The following FAM184B variants were observed in gnomAD, a reference collection of about 807,000 sequenced individuals.
FAM184B encodes family with sequence similarity 184 member B, also known as protein FAM184B.
A neutral mutation model predicts 135.9 loss-of-function variants in FAM184B; 111 were observed. That is an observed-to-expected ratio of 0.82 (90% CI 0.70 to 0.96). The LOEUF (loss-of-function observed/expected upper bound fraction) is 0.96. Ranked by LOEUF, FAM184B falls within the 40% of genes least tolerant of loss-of-function variation. The probability of loss-of-function intolerance (pLI) is 0.00; values close to 1 mark genes in which losing one functional copy is unlikely to be tolerated. For missense variants in FAM184B, 1,375 were observed against 1,323.9 expected, an observed-to-expected ratio of 1.04 and a Z score of -0.60; for synonymous variants, 552 against 524.8, an observed-to-expected ratio of 1.05 and a Z score of -0.71.
chr4:17,688,166 C>T (rs1716633893), intron 7 of FAM184B, among the ~76,000 whole-genome samples: 1 of 152,110 alleles, frequency 6.6e-6, no homozygotes, highest in South Asian at 2.1e-4. Flanking sequence ...GCAGGCTGCT[C>T]TCAGAGAGAG....
rs1348148005 is a variant in FAM184B, at chr4:17,636,754, G to C, written c.2667-109C>G. 1.1e-5 allele frequency: 11 copies of C among 960,012 alleles called. No homozygotes were observed. The African/African-American group carries it at 1.8e-4, about 16-fold the overall frequency. 59.5% of individuals were successfully genotyped at this position (960,012 alleles called of 1,614,324 possible). A position where few individuals can be genotyped will look rare whatever the true frequency, so the allele number is the denominator to read the frequency against. Reference sequence around the variant, plus strand: ...CCATCCTGTGTTCAGCCCGGCCAGGGAGGCCCAGATAGCAGCAGCGGCTTG... The same window carrying C: ...CCATCCTGTGTTCAGCCCGGCCAGGCAGGCCCAGATAGCAGCAGCGGCTTG... On this transcript the variant is annotated intron_variant, in intron 14 of 17. Coordinates refer to ENST00000265018, the MANE Select transcript of FAM184B (RefSeq NM_015688.2).
At chr4:17,682,698 C>T (rs1716478664) in intron 7 of FAM184B, among the ~76,000 whole-genome samples, 1 of 152,008 alleles carries the variant, frequency 6.6e-6, no homozygotes, top group Non-Finnish European at 1.5e-5. Context: ...GAGGTTTTGC[C>T]ATGTTGCTCA....
At chr4:17,749,916 G>A (rs796066633) in intron 1 of FAM184B, among the ~76,000 whole-genome samples, 9 of 150,560 alleles carry the variant, frequency 6.0e-5, no homozygotes, top group African/African-American at 2.2e-4. Flanking sequence ...TAATGTAAGT[G>A]TCTTTTTCCT....
At chr4:17,658,135 C>G (rs563340595) in intron 10 of FAM184B, among the ~76,000 whole-genome samples, 1 of 152,218 alleles carries the variant, frequency 6.6e-6, no homozygotes, top group South Asian at 2.1e-4. Flanking sequence ...AGACCTAGCC[C>G]GCTTCCTTTG....
At chr4:17,689,094 G>A (rs1482380186) in intron 6 of FAM184B, among the ~76,000 whole-genome samples, 1 of 152,074 alleles carries the variant, frequency 6.6e-6, no homozygotes, top group Non-Finnish European at 1.5e-5. Flanking sequence ...TATTTACATA[G>A]ATATTTCTAT....
At chr4:17,705,648 C>T in intron 4 of FAM184B, 104 bp downstream of exon 4, 1 of 1,358,698 alleles carries the variant, frequency 7.4e-7, no homozygotes, top group African/African-American at 1.5e-5. Context: ...CTTCTGATTC[C>T]AAGTGGATCC....
chr4:17,696,066 CATG>C (rs1206108558), intron 5 of FAM184B, among the ~76,000 whole-genome samples: 1 of 152,174 alleles, frequency 6.6e-6, no homozygotes, highest in African/African-American at 2.4e-5. Context: ...ATCTAATGGA[CATG>C]ATAACAGTAG....
At chr4:17,756,101 A>C (rs1718413415) in intron 1 of FAM184B, among the ~76,000 whole-genome samples, 1 of 152,226 alleles carries the variant, frequency 6.6e-6, no homozygotes, top group Non-Finnish European at 1.5e-5. Context: ...ATGACCTAGC[A>C]GCAATGAACA....
chr4:17,734,239 C>G (rs184388455), intron 1 of FAM184B, among the ~76,000 whole-genome samples: 4,866 of 152,244 alleles, frequency 0.032, 168 homozygotes, highest in African/African-American at 0.085. Flanking sequence ...TAGAAGAAAA[C>G]CTAGGCAATA....
intron 1 of FAM184B, among the ~76,000 whole-genome samples, chr4:17,731,232 G>A (rs897830812): frequency 1.3e-5 from 2 of 152,158 alleles, no homozygotes; most frequent in Non-Finnish European, 1.5e-5. Context: ...ATGCCAAAAT[G>A]TAAAGACCAT....
chr4:17,658,595 C>A, intron 9 of FAM184B, 33 bp from the exon 10 acceptor site: 1 of 1,535,438 alleles, frequency 6.5e-7, no homozygotes. Context: ...TCAGTCTAAG[C>A]CCCTTGCCTT....
intron 1 of FAM184B, among the ~76,000 whole-genome samples, chr4:17,749,543 T>A (rs2108987689): frequency 6.6e-6 from 1 of 152,342 alleles, no homozygotes; most frequent in African/African-American, 2.4e-5. Context: ...AATTGGATTA[T>A]TAAAAACTAT....
intron 12 of FAM184B, among the ~76,000 whole-genome samples, chr4:17,642,742 T>C (rs1310718222): frequency 2.1e-5 from 3 of 143,430 alleles, no homozygotes; most frequent in African/African-American, 9.0e-5. Context: ...CCTCTCTTCA[T>C]CTTTCCAACC....
intron 7 of FAM184B, among the ~76,000 whole-genome samples, chr4:17,666,845 C>T (rs148001473): frequency 7.0e-4 from 106 of 152,064 alleles, no homozygotes; most frequent in Non-Finnish European, 1.2e-3. Flanking sequence ...GTGGCACATG[C>T]GAGTCATTAC....
intron 1 of FAM184B, among the ~76,000 whole-genome samples, chr4:17,744,172 C>T (rs1463789852): frequency 1.3e-5 from 2 of 152,126 alleles, no homozygotes; most frequent in African/African-American, 4.8e-5. Context: ...CTGCTTGGCT[C>T]ATCTCCCTAT....
chr4:17,702,272 G>T (rs528666875), intron 5 of FAM184B, among the ~76,000 whole-genome samples: 1 of 152,302 alleles, frequency 6.6e-6, no homozygotes, highest in South Asian at 2.1e-4. Flanking sequence ...GAGAATTGCA[G>T]AAGTGATTAG....
At chr4:17,730,628 A>T (rs1560187900) in intron 1 of FAM184B, among the ~76,000 whole-genome samples, 1 of 152,332 alleles carries the variant, frequency 6.6e-6, no homozygotes, top group East Asian at 1.9e-4. Flanking sequence ...CTTAAAGAAA[A>T]GATGGGGAAA....
chr4:17,643,788 C>T (rs973228636), intron 12 of FAM184B, among the ~76,000 whole-genome samples: 2 of 152,220 alleles, frequency 1.3e-5, no homozygotes, highest in Admixed American at 1.3e-4. Flanking sequence ...AATGAATCCT[C>T]ACCACCCACA....
chr4:17,663,436 A>T (rs1348905592), intron 8 of FAM184B, among the ~76,000 whole-genome samples: 1 of 152,200 alleles, frequency 6.6e-6, no homozygotes, highest in African/African-American at 2.4e-5. Context: ...CCCTATTTGC[A>T]GATGACATGA....
Sources: allele counts gnomAD v4.1 joint callset (sites outside exome capture counted in the v4.1 genomes callset), GRCh38; gene constraint gnomAD v4.1.1; transcripts MANE v1.5; gene names NCBI Gene and HGNC (gene_info 2026-07-23, HGNC 2026-07-21).